Variants in WNT9B observed in about 807,000 individuals in gnomAD.
WNT9B encodes the protein protein Wnt-9b.
A neutral mutation model predicts 30.2 loss-of-function variants in WNT9B; 12 were observed. The ratio of observed to expected loss-of-function variants is 0.40; its 90% CI spans 0.26 to 0.64. The LOEUF is 0.64. Ranked by LOEUF, WNT9B falls within the 30% of genes least tolerant of loss-of-function variation. The pLI is 0.42. For missense variants in WNT9B, 442 were observed against 485.2 expected, an observed-to-expected ratio of 0.91 and a Z score of 0.84; for synonymous variants, 218 against 216.9, an observed-to-expected ratio of 1.01 and a Z score of -0.05.
upstream of WNT9B, among the ~76,000 whole-genome samples, chr17:46,850,814 T>C (rs1254387959): frequency 6.6e-6 from 1 of 152,224 alleles, no homozygotes; most frequent in Non-Finnish European, 1.5e-5. Flanking sequence ...TTCTGGCATC[T>C]ACACACCTTG....
At chr17:46,852,389 AGTGTGTGTGTGTGTGTGTGT>A (rs61138160) in intron 1 of WNT9B, among the ~76,000 whole-genome samples, 60 of 105,376 alleles carry the variant, frequency 5.7e-4, no homozygotes, top group African/African-American at 1.7e-3. Context: ...GAGAGGGCCC[AGTGTGTGTGTGTGTGTGTGT>A]GTGTGTGTGT....
Position 46,857,936 on chromosome 17 carries a change from T to TTGC in WNT9B, c.77+6224_77+6226dup, listed in dbSNP as rs556850370. ...TTTATGTATTTTGTTGTTGTTGTTG[T>TTGC]TGCTGTTGTTTGAGATGGAGTCTCA... On this transcript the variant is annotated intron_variant, in intron 1 of 3. Transcript: ENST00000290015. Among the ~76,000 whole-genome samples, 768 of 152,146 alleles carry TTGC rather than the reference T, an allele frequency of 5.0e-3. 21 individuals are homozygous for TTGC. In the East Asian group the frequency reaches 0.083, roughly 16 times the overall value.
At chr17:46,838,583 C>T (rs986460944) in intron 1 of WNT9B, among the ~76,000 whole-genome samples, 2 of 151,868 alleles carry the variant, frequency 1.3e-5, no homozygotes, top group Admixed American at 1.3e-4. Context: ...GCCATGATGG[C>T]GCCACTGCAC....
At chr17:46,862,474 T>C (rs556421497) in intron 1 of WNT9B, among the ~76,000 whole-genome samples, 2 of 152,308 alleles carry the variant, frequency 1.3e-5, no homozygotes, top group South Asian at 4.1e-4. Flanking sequence ...AACTTGTAGT[T>C]TTCTGAGTTT....
downstream of WNT9B, among the ~76,000 whole-genome samples, chr17:46,883,473 C>T (rs928080396): frequency 9.2e-5 from 14 of 151,886 alleles, no homozygotes; most frequent in African/African-American, 2.7e-4. Context: ...TTAGTAGAGA[C>T]GGGGTTTCAC....
chr17:46,836,117 T>TGTGTGTGTGTGTGTGTGTGTGTGTGTG (rs1568111823), intron 1 of WNT9B, among the ~76,000 whole-genome samples: 6 of 151,440 alleles, frequency 4.0e-5, no homozygotes, highest in African/African-American at 1.5e-4. Flanking sequence ...TGTGTGTGTG[T>TGTGTGTGTGTGTGTGTGTGTGTGTGTG]GTGTGTGTGT....
chr17:46,878,224 C>T lies in WNT9B; in HGVS notation c.*1506C>T, dbSNP rs986158884. Among the ~76,000 whole-genome samples the T allele has an allele frequency of 2.0e-5, 3 of 152,236 alleles. No individual in the cohort carries two copies. Among genetic ancestry groups the T allele is most frequent in the Non-Finnish European group, 4.4e-5 (3 of 68,036 alleles). On this transcript the variant is annotated 3_prime_UTR_variant, in exon 4 of 4. Coordinates refer to ENST00000290015, the MANE Select transcript of WNT9B (RefSeq NM_003396.3). ...CTTGGCCACTTTGCTGGCCCTGCCA[C>T]GCCCATCTGTCAGCTTCCTTTCTCC...
chr17:46,874,998 C>T, intron 2 of WNT9B, 103 bp from the exon 3 acceptor site: 2 of 1,580,336 alleles, frequency 1.3e-6, no homozygotes, highest in Non-Finnish European at 8.7e-7. Context: ...AGCGCTGCCA[C>T]CACCGCCTCT....
At chr17:46,863,212 C>A (rs1177441004) in intron 1 of WNT9B, among the ~76,000 whole-genome samples, 1 of 152,210 alleles carries the variant, frequency 6.6e-6, no homozygotes, top group African/African-American at 2.4e-5. Context: ...TAGGTGGTAG[C>A]CTCTGCAGCC....
intron 1 of WNT9B, among the ~76,000 whole-genome samples, chr17:46,843,842 C>T (rs1040694675): frequency 6.6e-6 from 1 of 152,236 alleles, no homozygotes; most frequent in East Asian, 1.9e-4. Flanking sequence ...TCCCAACAAA[C>T]TGTGTGCTCC....
intron 1 of WNT9B, among the ~76,000 whole-genome samples, chr17:46,859,227 C>T (rs1004979415): frequency 6.6e-6 from 1 of 152,162 alleles, no homozygotes; most frequent in Non-Finnish European, 1.5e-5. Flanking sequence ...CCACCTGCCT[C>T]GGCCTCCCAA....
At chr17:46,869,410 G>A (rs1165317381) in intron 1 of WNT9B, among the ~76,000 whole-genome samples, 4 of 152,202 alleles carry the variant, frequency 2.6e-5, no homozygotes, top group South Asian at 2.1e-4. Context: ...CCTGGGCATC[G>A]CGGACATTGT....
chr17:46,853,619 C>T (rs1034848675), intron 1 of WNT9B, among the ~76,000 whole-genome samples: 1 of 152,110 alleles, frequency 6.6e-6, no homozygotes. Context: ...CTGCCCAACT[C>T]AGCCTCCCAA....
chr17:46,858,656 C>T (rs1303626779), intron 1 of WNT9B, among the ~76,000 whole-genome samples: 1 of 152,098 alleles, frequency 6.6e-6, no homozygotes, highest in Non-Finnish European at 1.5e-5. Flanking sequence ...CTCACCTGAT[C>T]CTCAGGGCCA....
At position 46,876,233 on chromosome 17, in the gene WNT9B, C is replaced by T. The variant is rs959520488; in HGVS notation, c.601-12C>T. 2.5e-6 allele frequency: 4 copies of T among 1,592,100 alleles called. No homozygotes were observed. Among genetic ancestry groups the T allele is most frequent in the Non-Finnish European group, 3.4e-6 (4 of 1,166,930 alleles). On this transcript the variant is annotated splice_polypyrimidine_tract_variant and intron_variant, in intron 3 of 3. Transcript: ENST00000290015. ...GGCCTCTGACCACGCCTCTGTTCTGCCTCCCCCACAGGCTGTGAAGAGTGG... is the reference window on the plus strand; with the variant it reads ...GGCCTCTGACCACGCCTCTGTTCTGTCTCCCCCACAGGCTGTGAAGAGTGG...
intron 1 of WNT9B, among the ~76,000 whole-genome samples, chr17:46,858,007 G>A (rs1050909299): frequency 6.6e-6 from 1 of 152,140 alleles, no homozygotes; most frequent in African/African-American, 2.4e-5. Flanking sequence ...TTGGCTAACT[G>A]CAACCTCCAC....
At chr17:46,857,580 G>A (rs939300248) in intron 1 of WNT9B, among the ~76,000 whole-genome samples, 9 of 151,800 alleles carry the variant, frequency 5.9e-5, no homozygotes, top group Admixed American at 2.0e-4. Context: ...GTGGGTGTAT[G>A]TTTTCATTTC....
chr17:46,865,737 C>T (rs552562665), intron 1 of WNT9B, among the ~76,000 whole-genome samples: 1 of 152,250 alleles, frequency 6.6e-6, no homozygotes, highest in South Asian at 2.1e-4. Context: ...TAGCCTGTAG[C>T]TGGAACCACA....
chr17:46,882,176 A>AT (rs1395181786), downstream of WNT9B, among the ~76,000 whole-genome samples: 1 of 152,176 alleles, frequency 6.6e-6, no homozygotes, highest in Non-Finnish European at 1.5e-5. Context: ...AAATTAAAAA[A>AT]TTTTTAAAAC....
Sources: gnomAD v4.1 joint callset for allele counts (sites outside exome capture counted in the v4.1 genomes callset) on GRCh38, gnomAD v4.1.1 for gene constraint, MANE v1.5 for transcripts, NCBI Gene and HGNC (gene_info 2026-07-23, HGNC 2026-07-21) for gene names.